The following HDAC8 variants were observed in gnomAD, a reference collection of about 807,000 sequenced individuals.
HDAC8 encodes the protein histone deacetylase 8, also known as histone deacetylase-like 1.
A neutral mutation model predicts 32.2 loss-of-function variants in HDAC8; 1 was observed. That is an observed-to-expected ratio of 0.03 (90% CI 0.01 to 0.15). The LOEUF (loss-of-function observed/expected upper bound fraction) is 0.15, where lower values mean the gene tolerates loss of function less well. Ranked by LOEUF, HDAC8 falls within the 10% of genes least tolerant of loss-of-function variation. HDAC8 has a pLI of 1.00. For missense variants in HDAC8, 117 were observed against 300.0 expected (o/e 0.39, Z 4.51); for synonymous variants, 108 against 113.9 (o/e 0.95, Z 0.33).
At chrX:72,346,072 A>G (rs1555946844) in intron 10 of HDAC8, among the ~76,000 whole-genome samples, 1 of 111,963 alleles carries the variant, frequency 8.9e-6, no homozygotes, top group East Asian at 2.8e-4. Context: ...AAGCCTTTCC[A>G]TCTCTTATAC....
At chrX:72,335,814 C>G (rs934821372) in intron 10 of HDAC8, among the ~76,000 whole-genome samples, 14 of 108,535 alleles carry the variant, frequency 1.3e-4, no homozygotes, top group African/African-American at 4.7e-4. Flanking sequence ...GAGGCTGGAG[C>G]AAGAGGATTG....
intron 4 of HDAC8, among the ~76,000 whole-genome samples, chrX:72,565,355 A>C (rs2051740499): frequency 8.9e-6 from 1 of 112,469 alleles, no homozygotes; most frequent in Admixed American, 9.4e-5. Flanking sequence ...ATCTACAGAG[A>C]GGTTCTAGTT....
chrX:72,486,038 C>T (rs1227763189), intron 7 of HDAC8, among the ~76,000 whole-genome samples: 1 of 110,746 alleles, frequency 9.0e-6, no homozygotes, highest in African/African-American at 3.3e-5. Flanking sequence ...AGGAGAATGG[C>T]GTGAACCCGG....
intron 4 of HDAC8, chrX:72,567,434 C>A: frequency 9.7e-6 from 2 of 205,258 alleles, no homozygotes; most frequent in South Asian, 1.9e-4. Context: ...TTTCTTTCTA[C>A]TGATAAGTCT....
At chrX:72,504,985 T>A in intron 4 of HDAC8, among the ~76,000 whole-genome samples, 1 of 111,782 alleles carries the variant, frequency 8.9e-6, no homozygotes. Flanking sequence ...TTTTATGAGC[T>A]TGTTGTCCAT....
intron 9 of HDAC8, among the ~76,000 whole-genome samples, chrX:72,404,343 T>A (rs1381537322): frequency 9.0e-6 from 1 of 111,716 alleles, no homozygotes; most frequent in Non-Finnish European, 1.9e-5. Context: ...AATATATTTG[T>A]CCCCTTTTCA....
intron 9 of HDAC8, among the ~76,000 whole-genome samples, chrX:72,372,493 T>A (rs2044910233): frequency 9.0e-6 from 1 of 111,613 alleles, no homozygotes; most frequent in South Asian, 3.8e-4. Context: ...GATGAAAGAA[T>A]GAACATGTTC....
intron 4 of HDAC8, among the ~76,000 whole-genome samples, chrX:72,553,631 T>G (rs1378442988): frequency 8.9e-6 from 1 of 111,855 alleles, no homozygotes; most frequent in African/African-American, 3.3e-5. Flanking sequence ...TTGATATCTG[T>G]GGGTGATTGG....
chrX:72,473,631 C>T, intron 7 of HDAC8: 2 of 733,184 alleles, frequency 2.7e-6, no homozygotes, highest in Non-Finnish European at 1.6e-6. Flanking sequence ...CATCCAGGCA[C>T]CAGAGTTTTT....
intron 4 of HDAC8, among the ~76,000 whole-genome samples, chrX:72,513,359 T>G (rs1268304820): frequency 9.2e-6 from 1 of 108,654 alleles, no homozygotes; most frequent in East Asian, 2.9e-4. Flanking sequence ...TGAGTCTCTC[T>G]CTGTCATCCA....
intron 6 of HDAC8, chrX:72,489,242 T>A: frequency 2.0e-6 from 1 of 503,259 alleles, no homozygotes; most frequent in Non-Finnish European, 3.6e-6. Flanking sequence ...CTGGATCAAA[T>A]GAAAAAATAA....
At chrX:72,385,916 C>T (rs147133619) in intron 9 of HDAC8, among the ~76,000 whole-genome samples, 1 of 112,063 alleles carries the variant, frequency 8.9e-6, no homozygotes, top group Non-Finnish European at 1.9e-5. Flanking sequence ...TCCACAGTGT[C>T]TAGTAAAATT....
At chrX:72,393,710 C>T (rs1462848213) in intron 9 of HDAC8, among the ~76,000 whole-genome samples, 1 of 111,203 alleles carries the variant, frequency 9.0e-6, no homozygotes, top group Non-Finnish European at 1.9e-5. Context: ...TGTAACACCC[C>T]CCACTCCCCG....
At chrX:72,355,823 A>C (rs1555950610) in intron 9 of HDAC8, among the ~76,000 whole-genome samples, 1 of 112,254 alleles carries the variant, frequency 8.9e-6, no homozygotes, top group African/African-American at 3.2e-5. Flanking sequence ...CCAAGCAACG[A>C]ACCTGAATCC....
rs782108638 is a variant in HDAC8, at chrX:72,493,530, G to A, written c.550+1626C>T. Among the ~76,000 whole-genome samples, 281 of 111,796 alleles carry A rather than the reference G, an allele frequency of 2.5e-3. 1 individual carries two copies. Among genetic ancestry groups the A allele is most frequent in the Non-Finnish European group, 4.5e-3 (241 of 53,106 alleles). ...ACTTTCAAGTTTGAGAACCACTGCT[G>A]TAGGCCAGGGGTCAATGAACTAAGT... On this transcript the variant is annotated intron_variant, in intron 5 of 10. Transcript: ENST00000373573.
chrX:72,481,035 C>T (rs782776126), intron 7 of HDAC8, among the ~76,000 whole-genome samples: 12 of 108,856 alleles, frequency 1.1e-4, no homozygotes, highest in Non-Finnish European at 1.9e-4. Flanking sequence ...CAAACCTGCA[C>T]GTTCTGCACA....
intron 9 of HDAC8, among the ~76,000 whole-genome samples, chrX:72,353,030 A>G (rs1167941185): frequency 8.9e-6 from 1 of 112,462 alleles, no homozygotes; most frequent in Admixed American, 9.4e-5. Context: ...TTCAAATTCC[A>G]TGAAAACAAA....
intron 4 of HDAC8, among the ~76,000 whole-genome samples, 194 bp from the exon 5 acceptor site, chrX:72,495,462 T>A (rs2048992605): frequency 8.9e-6 from 1 of 112,022 alleles, no homozygotes; most frequent in African/African-American, 3.2e-5. Context: ...GTAAAGTAAA[T>A]ATTTGGGTAA....
intron 9 of HDAC8, among the ~76,000 whole-genome samples, chrX:72,430,087 G>C (rs982498134): frequency 1.2e-4 from 14 of 112,349 alleles, no homozygotes; most frequent in African/African-American, 4.5e-4. Flanking sequence ...GCAATTTCCA[G>C]ACATTGACTT....
Sources: allele counts gnomAD v4.1 joint callset (sites outside exome capture counted in the v4.1 genomes callset), GRCh38; gene constraint gnomAD v4.1.1; transcripts MANE v1.5; gene names NCBI Gene and HGNC (gene_info 2026-07-23, HGNC 2026-07-21).